Variants in PIGL observed in about 807,000 individuals in gnomAD.
The protein encoded by PIGL is N-acetylglucosaminyl-phosphatidylinositol de-N-acetylase.
Under a neutral mutation model 31.1 loss-of-function variants are expected in PIGL, and 22 were observed. The observed-to-expected ratio is 0.71, with a 90% CI of 0.51 to 1.01. The LOEUF is 1.01. Ranked by LOEUF, PIGL falls within the 50% of genes least tolerant of loss-of-function variation. The pLI, the probability that PIGL is intolerant of heterozygous loss-of-function variation, is 0.00. For synonymous variants in PIGL, 131 were observed against 117.4 expected, an observed-to-expected ratio of 1.12 and a Z score of -0.75; for missense variants, 302 against 315.9, an observed-to-expected ratio of 0.96 and a Z score of 0.33.
intron 1 of PIGL, among the ~76,000 whole-genome samples, chr17:16,224,834 T>A (rs1022942775): frequency 3.3e-5 from 5 of 152,214 alleles, no homozygotes; most frequent in African/African-American, 1.2e-4. Flanking sequence ...TTTTTTGTAT[T>A]TTTAGCAGAA....
chr17:16,233,876 C>G, intron 1 of PIGL, 95 bp from the exon 2 acceptor site: 1 of 653,962 alleles, frequency 1.5e-6, no homozygotes. Flanking sequence ...CAGCTTAAAT[C>G]CTTTAAGGAA....
In PIGL at chr17:16,316,754, C is replaced by A. The variant is rs1189081984; in HGVS notation, c.526+42C>A. ...TTGCAAAGGGCCACAAGATACTGTC[C>A]CTCTGAGAAACTTATGAGGGGGAAA... On this transcript the variant is annotated intron_variant, in intron 5 of 6. Transcript: ENST00000225609. 3 of 1,604,708 alleles carry A rather than the reference C, an allele frequency of 1.9e-6. No individual in the cohort carries two copies. In the South Asian group the frequency reaches 3.3e-5, roughly 18 times the overall value.
chr17:16,246,294 A>G, intron 2 of PIGL, among the ~76,000 whole-genome samples: 1 of 151,314 alleles, frequency 6.6e-6, no homozygotes. Context: ...CAGGTGGATC[A>G]CGAGGTCAAG....
chr17:16,225,050 A>G (rs2092645858), intron 1 of PIGL, among the ~76,000 whole-genome samples: 1 of 152,172 alleles, frequency 6.6e-6, no homozygotes, highest in Admixed American at 6.6e-5. Flanking sequence ...CTCTGATACT[A>G]TGGTATGCTT....
intron 4 of PIGL, among the ~76,000 whole-genome samples, chr17:16,315,708 CTTTTTTTTT>C (rs1157169209): frequency 1.7e-4 from 10 of 58,990 alleles, no homozygotes; most frequent in Admixed American, 5.7e-4. Context: ...TTCTTTCTTT[CTTTTTTTTT>C]TTTTTTTTTT....
chr17:16,297,988 T>C (rs150934461), intron 2 of PIGL, among the ~76,000 whole-genome samples: 2 of 152,288 alleles, frequency 1.3e-5, no homozygotes, highest in East Asian at 1.9e-4. Flanking sequence ...TAGATTCTCA[T>C]AGGACTGCAA....
chr17:16,217,536 T>G (rs1242929623), intron 1 of PIGL, 75 bp downstream of exon 1: 10 of 1,212,104 alleles, frequency 8.3e-6, no homozygotes, highest in Non-Finnish European at 1.2e-5. Flanking sequence ...CTCAGTCGCC[T>G]TCTTCTCGAA....
intron 2 of PIGL, among the ~76,000 whole-genome samples, chr17:16,280,341 CT>C (rs2092911471): frequency 6.6e-6 from 1 of 152,162 alleles, no homozygotes; most frequent in Non-Finnish European, 1.5e-5. Flanking sequence ...AGAATGCCAG[CT>C]GGTTTTCAGC....
rs1196756323 is a variant in PIGL at position 16,317,871 on chromosome 17, T to C, written c.623T>C (p.Leu208Pro). ...TCTCTGCTTCATACGCAGGATGTCC[T>C]CTTCGTGCTCAACAGCAAAGAAGTG... ...PLSLLHTQDV[L>P]FVLNSKEVAQ... The change falls in exon 6 of 7, where the codon CTC becomes CCC. Residue 208 changes from leucine (L) to proline (P), a missense_variant. By Grantham distance (98) the Leu-to-Pro change is moderately conservative. Transcript: ENST00000225609. 18 of 1,613,994 alleles carry C rather than the reference T, an allele frequency of 1.1e-5. No individual in the cohort carries two copies. Among genetic ancestry groups the C allele is most frequent in the Non-Finnish European group, 1.5e-5 (18 of 1,180,040 alleles).
chr17:16,316,759 G>C, intron 5 of PIGL, 47 bp downstream of exon 5: 1 of 1,604,260 alleles, frequency 6.2e-7, no homozygotes, highest in Non-Finnish European at 8.5e-7. Context: ...CTGTCCCTCT[G>C]AGAAACTTAT....
Position 16,254,080 on chromosome 17 carries a change from C to T in PIGL, c.335+20010C>T, listed in dbSNP as rs1003177759. ...ACACCTTTGCATGTGCTAGTCCCTC[C>T]TCTAACACACTTCCACATTTTCCAA... On this transcript the variant is annotated intron_variant, in intron 2 of 6. Transcript: ENST00000225609. Among the ~76,000 whole-genome samples, 6 of 152,130 alleles carry T rather than the reference C, an allele frequency of 3.9e-5. No individual in the cohort carries two copies. The South Asian group carries it at 1.2e-3, about 32-fold the overall frequency.
intron 2 of PIGL, among the ~76,000 whole-genome samples, chr17:16,284,502 TCATG>T (rs1189482883): frequency 6.6e-6 from 1 of 151,950 alleles, no homozygotes; most frequent in African/African-American, 2.4e-5. Flanking sequence ...ATTTTAGGAG[TCATG>T]CAGCTGGGGG....
At chr17:16,222,036 CT>C (rs2092631741) in intron 1 of PIGL, among the ~76,000 whole-genome samples, 1 of 152,166 alleles carries the variant, frequency 6.6e-6, no homozygotes, top group African/African-American at 2.4e-5. Context: ...GCATGAGCCA[CT>C]GCTCCTGGTC....
intron 1 of PIGL, among the ~76,000 whole-genome samples, chr17:16,232,208 G>A (rs2092682105): frequency 6.6e-6 from 1 of 152,096 alleles, no homozygotes; most frequent in South Asian, 2.1e-4. Context: ...CACCTGAGAG[G>A]CGGAGGTTGC....
chr17:16,254,114 A>C (rs972420656), intron 2 of PIGL, among the ~76,000 whole-genome samples: 2 of 152,058 alleles, frequency 1.3e-5, no homozygotes, highest in African/African-American at 4.8e-5. Flanking sequence ...AACGCCCTTC[A>C]TCTTGTCCCT....
intron 2 of PIGL, among the ~76,000 whole-genome samples, chr17:16,254,417 C>T (rs750188174): frequency 9.9e-5 from 15 of 151,782 alleles, no homozygotes; most frequent in Non-Finnish European, 1.5e-4. Context: ...TACAGGCATG[C>T]GCCACCACAC....
chr17:16,264,714 G>T (rs2092835005), intron 2 of PIGL, among the ~76,000 whole-genome samples: 1 of 151,394 alleles, frequency 6.6e-6, no homozygotes, highest in African/African-American at 2.4e-5. Flanking sequence ...CTCACTGCAG[G>T]TTACTCACTG....
At chr17:16,240,093 G>T (rs1473240086) in intron 2 of PIGL, among the ~76,000 whole-genome samples, 2 of 152,098 alleles carry the variant, frequency 1.3e-5, no homozygotes, top group Non-Finnish European at 2.9e-5. Context: ...GAATAGTTTA[G>T]CACTATCCTC....
chr17:16,302,001 C>T lies in PIGL; in HGVS notation c.426+2023C>T, dbSNP rs185925827. Among the ~76,000 whole-genome samples, 347 of 152,202 alleles carry T rather than the reference C, an allele frequency of 2.3e-3. 3 individuals are homozygous for T. Among genetic ancestry groups the T allele is most frequent in the Non-Finnish European group, 2.0e-3 (138 of 68,014 alleles). ...CAGATGTGAGCCACTGCATCAGGCC[C>T]TGAGAGCAGATTTTCATTGATATAT... On this transcript the variant is annotated intron_variant, in intron 3 of 6. Transcript: ENST00000225609.
Sources: allele counts gnomAD v4.1 joint callset (sites outside exome capture counted in the v4.1 genomes callset), GRCh38; gene constraint gnomAD v4.1.1; transcripts MANE v1.5; gene names NCBI Gene and HGNC (gene_info 2026-07-23, HGNC 2026-07-21).